The following ASAP1 variants were observed in gnomAD, a reference collection of about 807,000 sequenced individuals.
ASAP1 encodes the protein ArfGAP with SH3 domain, ankyrin repeat and PH domain 1.
In ASAP1, 43 loss-of-function variants were observed where a neutral mutation model predicts 145.2. That is an observed-to-expected ratio of 0.30 (90% CI 0.23 to 0.38). ASAP1 has a LOEUF of 0.38. ASAP1 is among the 10% of genes least tolerant of loss of function. ASAP1 has a pLI of 1.00. For synonymous variants in ASAP1, 546 were observed against 515.5 expected (o/e 1.06, Z -0.80); for missense variants, 1,018 against 1,355.3 (o/e 0.75, Z 3.91).
At position 130,300,153 on chromosome 8, in the gene ASAP1, C is replaced by CACAG. The variant is rs1196584279; in HGVS notation, c.186+57863_186+57864insCTGT. 6.9e-4 allele frequency among the ~76,000 whole-genome samples: 53 copies of CACAG among 76,908 alleles called. 1 individual carries two copies. Among genetic ancestry groups the CACAG allele is most frequent in the South Asian group, 5.5e-3 (10 of 1,824 alleles). The allele number at this position is 76,908 out of a possible 152,430, so 50.5% of individuals were successfully genotyped here. The stretch of plus-strand genomic sequence containing the variant: ...ACACACACACACACACACACACACA[C>CACAG]AGAGAGAGAGAGAGAGAGAGAGAGA... On this transcript the variant is annotated intron_variant, in intron 3 of 29. Coordinates refer to ENST00000518721, the MANE Select transcript of ASAP1 (RefSeq NM_018482.4).
At chr8:130,392,775 A>C (rs1333255042) in intron 2 of ASAP1, among the ~76,000 whole-genome samples, 3 of 152,086 alleles carry the variant, frequency 2.0e-5, no homozygotes, top group Non-Finnish European at 4.4e-5. Context: ...CAGCATGTGC[A>C]GAGATCAGAT....
At chr8:130,309,618 G>A (rs1441499562) in intron 3 of ASAP1, among the ~76,000 whole-genome samples, 2 of 152,168 alleles carry the variant, frequency 1.3e-5, no homozygotes, top group Non-Finnish European at 2.9e-5. Flanking sequence ...AGAAGCAAAG[G>A]GCAGCCACCG....
intron 2 of ASAP1, among the ~76,000 whole-genome samples, chr8:130,400,634 CA>C (rs1565284358): frequency 3.3e-5 from 5 of 151,268 alleles, no homozygotes; most frequent in Non-Finnish European, 5.9e-5. Flanking sequence ...AAAAAAAATA[CA>C]AAAAAATTAG....
intron 9 of ASAP1, among the ~76,000 whole-genome samples, chr8:130,170,837 G>A (rs1813543374): frequency 6.6e-6 from 1 of 152,132 alleles, no homozygotes; most frequent in Middle Eastern, 3.4e-3. Context: ...TCCCATCTCA[G>A]CCTTCTGAGT....
intron 4 of ASAP1, among the ~76,000 whole-genome samples, chr8:130,234,005 C>G (rs867835348): frequency 2.6e-5 from 4 of 152,234 alleles, no homozygotes; most frequent in Middle Eastern, 3.4e-3. Flanking sequence ...CTAGGCTCTA[C>G]TCTGGAACAA....
intron 5 of ASAP1, among the ~76,000 whole-genome samples, chr8:130,210,343 A>C (rs1376114220): frequency 6.6e-6 from 1 of 152,178 alleles, no homozygotes; most frequent in Non-Finnish European, 1.5e-5. Flanking sequence ...AAGTGGGTTT[A>C]TTTTAAAATA....
intron 27 of ASAP1, among the ~76,000 whole-genome samples, chr8:130,062,236 A>G (rs2097421155): frequency 6.6e-6 from 1 of 152,240 alleles, no homozygotes. Context: ...ACTAAGGCAC[A>G]CTGAGTGACT....
intron 3 of ASAP1, among the ~76,000 whole-genome samples, chr8:130,265,334 G>A (rs967671256): frequency 1.3e-5 from 2 of 152,144 alleles, no homozygotes; most frequent in African/African-American, 4.8e-5. Flanking sequence ...ACTTTGGGAA[G>A]CTGAGATGGG....
intron 15 of ASAP1, among the ~76,000 whole-genome samples, chr8:130,131,140 G>A (rs1012446765): frequency 6.7e-6 from 1 of 150,014 alleles, no homozygotes; most frequent in Non-Finnish European, 1.5e-5. Flanking sequence ...CTGGGCGACA[G>A]AGCAAGACTC....
chr8:130,333,463 G>C (rs1008750901), intron 3 of ASAP1, among the ~76,000 whole-genome samples: 1 of 152,198 alleles, frequency 6.6e-6, no homozygotes, highest in African/African-American at 2.4e-5. Flanking sequence ...AATTAGCCAG[G>C]CATGCTGGCA....
At chr8:130,125,567 A>T (rs1564988673) in intron 17 of ASAP1, among the ~76,000 whole-genome samples, 1 of 152,220 alleles carries the variant, frequency 6.6e-6, no homozygotes, top group South Asian at 2.1e-4. Context: ...GAAATAATAA[A>T]AAAAAATTGA....
chr8:130,076,505 A>G (rs1420356741), intron 26 of ASAP1, 99 bp from the exon 27 acceptor site: 1 of 899,908 alleles, frequency 1.1e-6, no homozygotes. Flanking sequence ...TTACATAATC[A>G]TCTAAAGAAT....
In ASAP1 at chr8:130,214,553, T is replaced by C. The variant is rs367948174; in HGVS notation, c.405+3A>G. On this transcript the variant is annotated splice_donor_region_variant and intron_variant, in intron 5 of 29. Coordinates refer to ENST00000518721, the MANE Select transcript of ASAP1 (RefSeq NM_018482.4). ...CTTTTTACTCACATATGAAATGTCT[T>C]ACCAGATTTTTCAGCAGTGTGGACA... The C allele has an allele frequency of 1.5e-4, 244 of 1,593,512 alleles. No individual in the cohort carries two copies. The highest frequency in any genetic ancestry group is 1.6e-4 in the Non-Finnish European group (188 of 1,173,128).
intron 5 of ASAP1, among the ~76,000 whole-genome samples, chr8:130,188,809 C>T (rs772906149): frequency 6.6e-6 from 1 of 150,620 alleles, no homozygotes; most frequent in African/African-American, 2.4e-5. Flanking sequence ...AAACACTATA[C>T]TACAGTACAC....
intron 1 of ASAP1, among the ~76,000 whole-genome samples, chr8:130,437,630 A>G (rs922564934): frequency 2.6e-5 from 4 of 152,242 alleles, no homozygotes; most frequent in Non-Finnish European, 5.9e-5. Flanking sequence ...ACTAACTACA[A>G]TGAAATAGGC....
At chr8:130,057,891 G>A (rs1483673592) in intron 29 of ASAP1, 63 bp downstream of exon 29, 22 of 1,595,978 alleles carry the variant, frequency 1.4e-5, no homozygotes, top group Non-Finnish European at 1.8e-5. Flanking sequence ...AGGCTCCAAT[G>A]TGGTGCCTGC....
chr8:130,145,551 T>A (rs911856708), intron 13 of ASAP1, among the ~76,000 whole-genome samples: 9 of 152,168 alleles, frequency 5.9e-5, no homozygotes, highest in South Asian at 2.1e-4. Flanking sequence ...ACTCATGACC[T>A]CATGAATGGC....
At chr8:130,096,411 G>A (rs1298018372) in intron 24 of ASAP1, among the ~76,000 whole-genome samples, 1 of 152,170 alleles carries the variant, frequency 6.6e-6, no homozygotes, top group Non-Finnish European at 1.5e-5. Flanking sequence ...TTAGTGAGTG[G>A]TGACAGAGAT....
intron 3 of ASAP1, among the ~76,000 whole-genome samples, chr8:130,253,635 T>G (rs1159462716): frequency 6.6e-6 from 1 of 152,214 alleles, no homozygotes; most frequent in Non-Finnish European, 1.5e-5. Flanking sequence ...CTGCCATTTT[T>G]ATTTTGTATA....
Sources: allele counts gnomAD v4.1 joint callset (sites outside exome capture counted in the v4.1 genomes callset), GRCh38; gene constraint gnomAD v4.1.1; transcripts MANE v1.5; gene names NCBI Gene and HGNC (gene_info 2026-07-23, HGNC 2026-07-21).